COL6A6: variants seen among roughly 807,000 people sequenced by gnomAD.
The protein encoded by COL6A6 is collagen alpha-6(VI) chain.
A neutral mutation model predicts 208.6 loss-of-function variants in COL6A6; 183 were observed. The ratio of observed to expected loss-of-function variants is 0.88; its 90% CI spans 0.78 to 0.99. The LOEUF (loss-of-function observed/expected upper bound fraction) is 0.99, where lower values mean the gene tolerates loss of function less well. COL6A6 is among the 50% of genes least tolerant of loss of function. The pLI, the probability that COL6A6 is intolerant of heterozygous loss-of-function variation, is 0.00. For synonymous variants in COL6A6, 973 were observed against 1,011.8 expected, an observed-to-expected ratio of 0.96 and a Z score of 0.73; for missense variants, 2,816 against 2,815.2, an observed-to-expected ratio of 1.00 and a Z score of -0.01.
At position 130,661,799 on chromosome 3, in the gene COL6A6, C is replaced by T; in HGVS notation, c.5993C>T (p.Thr1998Ile). 6.2e-7 allele frequency: 1 copy of T among 1,613,936 alleles called. No homozygotes were observed. The highest frequency in any genetic ancestry group is 1.7e-5 in the Admixed American group (1 of 60,012). Residue 1998 changes from threonine (T) to isoleucine (I), a missense_variant, in exon 35 of 37, where the codon ACC (threonine) becomes ATC (isoleucine). Coordinates refer to ENST00000358511, the MANE Select transcript of COL6A6 (RefSeq NM_001102608.3). ...LGALLDHFEI[T>I]PEPETSVTGD... ...GCACTATTAGATCACTTTGAAATCA[C>T]CCCAGAGCCGGAGACTTCTGTCACT... is the stretch of plus-strand genomic sequence containing the variant.
chr3:130,644,709 A>AT (rs372896117), intron 31 of COL6A6, among the ~76,000 whole-genome samples: 1 of 152,100 alleles, frequency 6.6e-6, no homozygotes, highest in African/African-American at 2.4e-5. Flanking sequence ...CTGCAATGTC[A>AT]TTTTCCCTCC....
At chr3:130,557,167 A>G (rs2062784774) in intron 1 of COL6A6, among the ~76,000 whole-genome samples, 2 of 151,406 alleles carry the variant, frequency 1.3e-5, no homozygotes, top group Admixed American at 1.3e-4. Flanking sequence ...TCACTCAGCC[A>G]AACACCTCCT....
rs2066352293 is a variant in COL6A6, at chr3:130,676,087, C to G, written c.*690C>G. 1 of 152,144 alleles carries G rather than the reference C, an allele frequency of 6.6e-6. No homozygotes were observed. Among genetic ancestry groups the G allele is most frequent in the South Asian group, 2.1e-4 (1 of 4,830 alleles). 9.4% of individuals were successfully genotyped at this position (152,144 alleles called of 1,614,324 possible). On this transcript the variant is annotated 3_prime_UTR_variant, in exon 37 of 37. Coordinates refer to ENST00000358511, the MANE Select transcript of COL6A6 (RefSeq NM_001102608.3). ...CTGCCATTTTGATGGAGCTTGAAGCCCCCATTTTGATGGACTTCTAGTCTG... is the reference window on the plus strand; with the variant it reads ...CTGCCATTTTGATGGAGCTTGAAGCGCCCATTTTGATGGACTTCTAGTCTG...
intron 26 of COL6A6, among the ~76,000 whole-genome samples, chr3:130,634,213 A>T (rs975526577): frequency 1.1e-4 from 6 of 52,446 alleles, no homozygotes; most frequent in Admixed American, 3.1e-4. Context: ...AAAAAAAAAA[A>T]TAAATAAATA....
chr3:130,521,264 T>C (rs1711054668), intron 1 of COL6A6, among the ~76,000 whole-genome samples: 2 of 152,206 alleles, frequency 1.3e-5, no homozygotes, highest in Non-Finnish European at 1.5e-5. Flanking sequence ...AAAAACAACT[T>C]GATTAATGTT....
chr3:130,612,841 G>T (rs1365332568), intron 23 of COL6A6, among the ~76,000 whole-genome samples: 1 of 152,096 alleles, frequency 6.6e-6, no homozygotes, highest in Non-Finnish European at 1.5e-5. Flanking sequence ...TTTGAAAATT[G>T]TTCATATCCT....
chr3:130,525,368 T>C (rs61709966), intron 1 of COL6A6, among the ~76,000 whole-genome samples: 4,013 of 152,296 alleles, frequency 0.026, 74 homozygotes, highest in South Asian at 0.061. Context: ...ACTGCTAACA[T>C]TGTGAACATA....
intron 25 of COL6A6, among the ~76,000 whole-genome samples, chr3:130,626,838 A>G (rs182490141): frequency 6.6e-6 from 1 of 152,196 alleles, no homozygotes; most frequent in Non-Finnish European, 1.5e-5. Context: ...CTTTCCTTTT[A>G]TCAGAGCCTC....
Position 130,643,019 on chromosome 3 carries a change from C to G in COL6A6, c.5223C>G (p.Arg1741=). 2 of 1,613,636 alleles carry G rather than the reference C, an allele frequency of 1.2e-6. No individual in the cohort carries two copies. The highest frequency in any genetic ancestry group is 1.7e-6 in the Non-Finnish European group (2 of 1,179,622). Reference sequence around the variant, plus strand: ...AGCTCATTCAGTATGTGCGAGACCGCAGTCGTAAGTACCCTGCTTAAAATG... The same window carrying G: ...AGCTCATTCAGTATGTGCGAGACCGGAGTCGTAAGTACCCTGCTTAAAATG... The part of the protein sequence containing the change: ...TCELIQYVRD[R]SPGRHGKPEC... Residue 1741 remains arginine (R), a synonymous_variant, in exon 31 of 37, where the codon CGC becomes CGG. Coordinates refer to ENST00000358511, the MANE Select transcript of COL6A6 (RefSeq NM_001102608.3).
intron 36 of COL6A6, among the ~76,000 whole-genome samples, chr3:130,673,411 T>C (rs1034603582): frequency 7.2e-6 from 1 of 138,406 alleles, no homozygotes. Flanking sequence ...GGAAGAAAGG[T>C]AACAGTAACT....
chr3:130,596,040 A>G (rs979077622), intron 18 of COL6A6, among the ~76,000 whole-genome samples: 1 of 152,216 alleles, frequency 6.6e-6, no homozygotes, highest in African/African-American at 2.4e-5. Context: ...GTTTTCTTTA[A>G]TATAACCTCT....
At chr3:130,549,747 T>C (rs2062601003) in intron 1 of COL6A6, among the ~76,000 whole-genome samples, 1 of 152,212 alleles carries the variant, frequency 6.6e-6, no homozygotes, top group Non-Finnish European at 1.5e-5. Context: ...CATTGGTCTG[T>C]GTGTCTGCTT....
intron 1 of COL6A6, among the ~76,000 whole-genome samples, chr3:130,553,462 C>T (rs933437324): frequency 5.3e-5 from 8 of 152,148 alleles, no homozygotes; most frequent in African/African-American, 1.7e-4. Flanking sequence ...GGATTGTATT[C>T]TGAAATTCCT....
chr3:130,610,931 C>T (rs942644784), intron 23 of COL6A6, among the ~76,000 whole-genome samples: 13 of 152,266 alleles, frequency 8.5e-5, no homozygotes, highest in Non-Finnish European at 1.8e-4. Flanking sequence ...GCCCTCTTTG[C>T]CTCAGCTGCT....
intron 34 of COL6A6, among the ~76,000 whole-genome samples, chr3:130,660,726 A>AC (rs2065911120): frequency 6.6e-6 from 1 of 152,162 alleles, no homozygotes; most frequent in Non-Finnish European, 1.5e-5. Flanking sequence ...CGAGACCAGA[A>AC]CCCAAGCATC....
At position 130,581,839 on chromosome 3, in the gene COL6A6, C is replaced by T. The variant is rs1012051357; in HGVS notation, c.3826C>T (p.Leu1276Phe). Residue 1276 changes from leucine to phenylalanine, a missense_variant, in exon 9 of 37, where the codon CTC becomes TTC. Transcript: ENST00000358511. ...KDITVKGPSLLNANLLDSLWD... is the reference protein window; with the variant it reads ...KDITVKGPSLFNANLLDSLWD... ...TATAACAGTTAAAGGACCATCTCTT[C>T]TCAATGCAAACCTCTTGGATTCTCT... 6.2e-7 allele frequency: 1 copy of T among 1,613,488 alleles called. No individual in the cohort carries two copies. Among genetic ancestry groups the T allele is most frequent in the Non-Finnish European group, 8.5e-7 (1 of 1,179,452 alleles).
intron 23 of COL6A6, among the ~76,000 whole-genome samples, chr3:130,615,282 T>G (rs1051341809): frequency 5.9e-5 from 9 of 152,216 alleles, no homozygotes; most frequent in African/African-American, 1.7e-4. Context: ...TTATTTTTAT[T>G]TCAGTGTGGT....
chr3:130,652,237 G>C (rs2065666460), intron 33 of COL6A6, among the ~76,000 whole-genome samples: 1 of 152,200 alleles, frequency 6.6e-6, no homozygotes, highest in Admixed American at 6.5e-5. Flanking sequence ...AACAGGTATA[G>C]AAAGAACAAA....
At chr3:130,539,590 G>A (rs9823757) in intron 1 of COL6A6, among the ~76,000 whole-genome samples, 3 of 150,938 alleles carry the variant, frequency 2.0e-5, no homozygotes, top group African/African-American at 4.9e-5. Context: ...GCCAAGTCGC[G>A]TCACTGCACT....
Sources: gnomAD v4.1 joint callset for allele counts (sites outside exome capture counted in the v4.1 genomes callset) on GRCh38, gnomAD v4.1.1 for gene constraint, MANE v1.5 for transcripts, NCBI Gene and HGNC (gene_info 2026-07-23, HGNC 2026-07-21) for gene names.